Variants in ZNF595 observed in about 807,000 individuals in gnomAD.
ZNF595 encodes the protein zinc finger protein 595.
A neutral mutation model predicts 19.4 loss-of-function variants in ZNF595; 9 were observed. The ratio of observed to expected loss-of-function variants is 0.46; its 90% CI spans 0.28 to 0.81. ZNF595 has a LOEUF of 0.81. Among genes scored for constraint, ZNF595 ranks in the 30% least tolerant of loss-of-function variants. The probability of loss-of-function intolerance (pLI) is 0.11; values close to 1 mark genes in which losing one functional copy is unlikely to be tolerated. For missense variants in ZNF595, 729 were observed against 736.0 expected (o/e 0.99, Z 0.11); for synonymous variants, 255 against 255.9 (o/e 1.00, Z 0.03).
Position 87,483 on chromosome 4 carries a change from T to G in ZNF595, c.*32T>G, listed in dbSNP as rs1714280488. 10 of 1,481,600 alleles carry G rather than the reference T, an allele frequency of 6.7e-6. No homozygotes were observed. The highest frequency in any genetic ancestry group is 9.0e-6 in the Non-Finnish European group (10 of 1,112,982). The allele number at this position is 1,481,600 out of a possible 1,614,324, so 91.8% of individuals were successfully genotyped here. ...TTTCTAGTAATCTCTAATTCCAGTG[T>G]CTTTACACAGCAAATAAATTGGAGA... On this transcript the variant is annotated 3_prime_UTR_variant, in exon 4 of 4. Coordinates refer to ENST00000610261, the MANE Select transcript of ZNF595 (RefSeq NM_182524.4).
At chr4:84,576 G>A (rs1168180002) in intron 3 of ZNF595, among the ~76,000 whole-genome samples, 27 of 152,140 alleles carry the variant, frequency 1.8e-4, no homozygotes, top group Non-Finnish European at 2.9e-5. Flanking sequence ...GGTTATGTAA[G>A]ACCACACTTA....
At chr4:78,561 CAAAG>C (rs569389430) in intron 3 of ZNF595, among the ~76,000 whole-genome samples, 6 of 152,164 alleles carry the variant, frequency 3.9e-5, no homozygotes, top group African/African-American at 1.4e-4. Context: ...CGTGAGTAAT[CAAAG>C]AAACTGTAAA....
intron 3 of ZNF595, among the ~76,000 whole-genome samples, chr4:80,325 T>C (rs536011425): frequency 3.3e-5 from 5 of 152,366 alleles, no homozygotes; most frequent in South Asian, 2.1e-4. Flanking sequence ...TGCTTGAGCA[T>C]GTCTTTGTGA....
At chr4:69,217 A>G (rs1269096321) in intron 3 of ZNF595, among the ~76,000 whole-genome samples, 1 of 152,202 alleles carries the variant, frequency 6.6e-6, no homozygotes, top group Admixed American at 6.5e-5. Flanking sequence ...AATAAAATGG[A>G]GGTGCAGATA....
chr4:72,706 G>C (rs200821246), intron 3 of ZNF595, among the ~76,000 whole-genome samples: 1 of 103,338 alleles, frequency 9.7e-6, no homozygotes, highest in Non-Finnish European at 2.1e-5. Context: ...TGAAATGTAA[G>C]TGCCTTCCAA....
At position 86,854 on chromosome 4, in the gene ZNF595, A is replaced by C. The variant is rs1714216546; in HGVS notation, c.1350A>C (p.Lys450Asn). 1 of 1,613,820 alleles carries C rather than the reference A, an allele frequency of 6.2e-7. No individual in the cohort carries two copies. Among genetic ancestry groups the C allele is most frequent in the Non-Finnish European group, 8.5e-7 (1 of 1,179,868 alleles). Residue 450 changes from lysine (K) to asparagine (N), a missense_variant, in exon 4 of 4, where the codon AAA becomes AAC. Transcript: ENST00000610261. The part of the protein sequence containing the change: ...ILHKRIHSGQ[K>N]PYKCEECGKA... ...ACAAGAGAATCCATTCTGGGCAAAA[A>C]CCTTACAAATGTGAAGAATGTGGCA...
chr4:85,909 G>C lies in ZNF595; in HGVS notation c.405G>C (p.Gln135His), dbSNP rs7667914. ...AAGGAGTTAATAATGGAGTTTACCA[G>C]TGCTTGTCAACTACCCAGAGCAAAA... The part of the protein sequence containing the change: ...VQKGVNNGVY[Q>H]CLSTTQSKIF... The change falls in exon 4 of 4, where the codon CAG becomes CAC. Residue 135 changes from glutamine to histidine, a missense_variant. Coordinates refer to ENST00000610261, the MANE Select transcript of ZNF595 (RefSeq NM_182524.4). 6.2e-7 allele frequency: 1 copy of C among 1,613,924 alleles called. No homozygotes were observed. Among genetic ancestry groups the C allele is most frequent in the Non-Finnish European group, 8.5e-7 (1 of 1,179,904 alleles).
At chr4:81,751 T>C (rs1443433257) in intron 3 of ZNF595, among the ~76,000 whole-genome samples, 1 of 152,234 alleles carries the variant, frequency 6.6e-6, no homozygotes, top group Non-Finnish European at 1.5e-5. Context: ...AGAGTCAAAC[T>C]GCTTTAGATA....
In ZNF595 at chr4:86,847, G is replaced by C. The variant is rs782343736; in HGVS notation, c.1343G>C (p.Gly448Ala). The C allele has an allele frequency of 6.2e-7, 1 of 1,609,196 alleles. No individual in the cohort carries two copies. The highest frequency in any genetic ancestry group is 8.5e-7 in the Non-Finnish European group (1 of 1,178,672). ...ATATTACACAAGAGAATCCATTCTGGGCAAAAACCTTACAAATGTGAAGAA... is the reference window on the plus strand; with the variant it reads ...ATATTACACAAGAGAATCCATTCTGCGCAAAAACCTTACAAATGTGAAGAA... ...TLILHKRIHS[G>A]QKPYKCEECG... The change falls in exon 4 of 4, where the codon GGG (glycine) becomes GCG (alanine). Residue 448 changes from glycine (G) to alanine (A), a missense_variant. Physicochemically the swap from Gly to Ala is moderately conservative, Grantham distance 60. Around this residue, in one of 2 missense-constraint regions of ZNF595, gnomAD observed 729 missense variants for 675.3 expected, o/e 1.08. Coordinates refer to ENST00000610261, the MANE Select transcript of ZNF595 (RefSeq NM_182524.4).
chr4:74,753 T>C (rs1219317726), intron 3 of ZNF595, among the ~76,000 whole-genome samples: 1 of 152,152 alleles, frequency 6.6e-6, no homozygotes, highest in African/African-American at 2.4e-5. Flanking sequence ...TGCATTCTTT[T>C]GAGTTTCTGA....
At chr4:60,902 T>C (rs1712828538) in intron 3 of ZNF595, among the ~76,000 whole-genome samples, 1 of 152,390 alleles carries the variant, frequency 6.6e-6, no homozygotes, top group East Asian at 1.9e-4. Flanking sequence ...AATTACAATA[T>C]AGTTTACAGC....
At position 86,606 on chromosome 4, in the gene ZNF595, T is replaced by C. The variant is rs782711480; in HGVS notation, c.1102T>C (p.Tyr368His). Residue 368 changes from tyrosine (Y) to histidine (H), a missense_variant, in exon 4 of 4, where the codon TAC becomes CAC. By Grantham distance (83) the Tyr-to-His change is moderately conservative. This residue lies in a region of ZNF595 where 729 missense variants were observed against 675.3 expected (regional missense o/e 1.08). Transcript: ENST00000610261. ...GAGCATTCATTCTGAACAAAAACTT[T>C]ACAAATGTGAAGAATGTGGCAAAGC... Reference protein sequence around the residue: ...HRSIHSEQKLYKCEECGKAFT... With the variant: ...HRSIHSEQKLHKCEECGKAFT... 9.3e-6 allele frequency: 15 copies of C among 1,613,460 alleles called. 1 individual carries two copies. The South Asian group carries it at 1.6e-4, about 18-fold the overall frequency.
At position 86,100 on chromosome 4, in the gene ZNF595, C is replaced by G; in HGVS notation, c.596C>G (p.Pro199Arg). 6.2e-7 allele frequency: 1 copy of G among 1,613,502 alleles called. No individual in the cohort carries two copies. The change falls in exon 4 of 4, where the codon CCC (proline) becomes CGC (arginine). Residue 199 changes from proline to arginine, a missense_variant. Pro to Arg is a moderately radical substitution (Grantham distance 103). Coordinates refer to ENST00000610261, the MANE Select transcript of ZNF595 (RefSeq NM_182524.4). ...QHTGIHAGEK[P>R]YKCEKCGKAF... ...ACAGGAATTCATGCTGGAGAGAAAC[C>G]CTACAAATGTGAAAAATGTGGCAAA...
rs185079860 is a variant in ZNF595, at chr4:69,828, T to G, written c.226+9675T>G. ...GCTCCCTGTGCTTGTGGGGGTATTA[T>G]TCAAGACATTTTTGCCCAGTTTAAT... is the stretch of plus-strand genomic sequence containing the variant. On this transcript the variant is annotated intron_variant, in intron 3 of 3. Transcript: ENST00000610261. Among the ~76,000 whole-genome samples, 27 of 152,324 alleles carry G rather than the reference T, an allele frequency of 1.8e-4. No individual in the cohort carries two copies. The East Asian group carries it at 3.7e-3, about 21-fold the overall frequency.
chr4:84,470 G>C (rs961128271), intron 3 of ZNF595, among the ~76,000 whole-genome samples: 1 of 152,032 alleles, frequency 6.6e-6, no homozygotes, highest in Admixed American at 6.5e-5. Flanking sequence ...GGACAGTTTT[G>C]CATGTTATGG....
rs782514952 is a variant in ZNF595 at position 87,290 on chromosome 4, G to A, written c.1786G>A (p.Glu596Lys). 1.2e-6 allele frequency: 2 copies of A among 1,613,522 alleles called. No individual in the cohort carries two copies. Among genetic ancestry groups the A allele is most frequent in the Non-Finnish European group, 1.7e-6 (2 of 1,179,782 alleles). Residue 596 changes from glutamate (E) to lysine (K), a missense_variant, in exon 4 of 4, where the codon GAA (glutamate) becomes AAA (lysine). Coordinates refer to ENST00000610261, the MANE Select transcript of ZNF595 (RefSeq NM_182524.4). ...TGGAGAGAAACCCTTCACATGTGAA[G>A]AATGTGGCAAAGCCTTCAATTGGTC... The part of the protein sequence containing the change: ...HTGEKPFTCE[E>K]CGKAFNWSSS...
At chr4:73,369 C>G (rs1326244258) in intron 3 of ZNF595, among the ~76,000 whole-genome samples, 3 of 152,136 alleles carry the variant, frequency 2.0e-5, no homozygotes, top group African/African-American at 7.2e-5. Context: ...TATGCTATCT[C>G]AGACTGAAGG....
In ZNF595 at chr4:86,492, C is replaced by T; in HGVS notation, c.988C>T (p.His330Tyr). 2 of 1,613,938 alleles carry T rather than the reference C, an allele frequency of 1.2e-6. No individual in the cohort carries two copies. Among genetic ancestry groups the T allele is most frequent in the Admixed American group, 1.7e-5 (1 of 60,016 alleles). Reference protein sequence around the residue: ...AFRQSRSLNEHKNIHTGEKPY... With the variant: ...AFRQSRSLNEYKNIHTGEKPY... ...TAGACAGTCCAGGAGCCTGAATGAA[C>T]ATAAAAATATTCATACTGGCGAAAA... is the stretch of plus-strand genomic sequence containing the variant. The change falls in exon 4 of 4, where the codon CAT (histidine) becomes TAT (tyrosine). Residue 330 changes from histidine (H) to tyrosine (Y), a missense_variant. This residue lies in a region of ZNF595 where 729 missense variants were observed against 675.3 expected (regional missense o/e 1.08). Coordinates refer to ENST00000610261, the MANE Select transcript of ZNF595 (RefSeq NM_182524.4).
At position 86,644 on chromosome 4, in the gene ZNF595, C is replaced by G. The variant is rs781927611; in HGVS notation, c.1140C>G (p.Ser380=). The G allele has an allele frequency of 3.7e-6, 6 of 1,610,284 alleles. No homozygotes were observed. The East Asian group carries it at 1.3e-4, about 36-fold the overall frequency. The part of the protein sequence containing the change: ...CEECGKAFTW[S]SSLNKHKRIH... ...AATGTGGCAAAGCCTTTACTTGGTCCTCATCCCTTAATAAACATAAGAGAA... is the reference window on the plus strand; with the variant it reads ...AATGTGGCAAAGCCTTTACTTGGTCGTCATCCCTTAATAAACATAAGAGAA... Residue 380 remains serine, a synonymous_variant, in exon 4 of 4, where the codon TCC becomes TCG. Transcript: ENST00000610261.
Sources: allele counts gnomAD v4.1 joint callset (sites outside exome capture counted in the v4.1 genomes callset), GRCh38; gene constraint gnomAD v4.1.1; regional missense constraint gnomAD v4.1.1; transcripts MANE v1.5; gene names NCBI Gene and HGNC (gene_info 2026-07-23, HGNC 2026-07-21).